SAMHD1: variants seen among roughly 807,000 people sequenced by gnomAD.
SAMHD1 encodes the protein SAM and HD domain containing deoxynucleoside triphosphate triphosphohydrolase 1.
Under a neutral mutation model 79.6 loss-of-function variants are expected in SAMHD1, and 54 were observed. That is an observed-to-expected ratio of 0.68 (90% CI 0.55 to 0.85). The LOEUF (loss-of-function observed/expected upper bound fraction) is 0.85. SAMHD1 is among the 40% of genes least tolerant of loss of function. SAMHD1 has a pLI of 0.00. For synonymous variants in SAMHD1, 260 were observed against 264.1 expected (o/e 0.98, Z 0.15); for missense variants, 663 against 782.7 (o/e 0.85, Z 1.82).
At chr20:36,950,727 A>G (rs1186798607) in intron 1 of SAMHD1, among the ~76,000 whole-genome samples, 1 of 152,192 alleles carries the variant, frequency 6.6e-6, no homozygotes, top group African/African-American at 2.4e-5. Flanking sequence ...ACCTGCTTTT[A>G]AAGAGCAAAA....
At chr20:36,915,714 GCAACA>G (rs1187296233) in intron 9 of SAMHD1, among the ~76,000 whole-genome samples, 1 of 151,112 alleles carries the variant, frequency 6.6e-6, no homozygotes, top group Non-Finnish European at 1.5e-5. Context: ...CCCAGCCTAG[GCAACA>G]GTGGGAGACT....
chr20:36,911,343 A>T lies in SAMHD1; in HGVS notation c.1155-10T>A. ...GAAAGCATCTGTAATCCTAAAAATC[A>T]TTTTGCAAAAATTTATGTTTATGAG... On this transcript the variant is annotated splice_polypyrimidine_tract_variant and intron_variant, in intron 10 of 15. Coordinates refer to ENST00000646673, the MANE Select transcript of SAMHD1 (RefSeq NM_015474.4). 6.4e-7 allele frequency: 1 copy of T among 1,564,724 alleles called. No homozygotes were observed. Among genetic ancestry groups the T allele is most frequent in the Non-Finnish European group, 8.8e-7 (1 of 1,139,016 alleles).
intron 1 of SAMHD1, among the ~76,000 whole-genome samples, chr20:36,949,606 A>T (rs2063719221): frequency 6.6e-6 from 1 of 151,610 alleles, no homozygotes; most frequent in Admixed American, 6.6e-5. Context: ...AATACAAAAA[A>T]ATTAGCTGGG....
At chr20:36,900,355 C>A (rs1337706650) in intron 13 of SAMHD1, among the ~76,000 whole-genome samples, 1 of 142,542 alleles carries the variant, frequency 7.0e-6, no homozygotes, top group Non-Finnish European at 1.5e-5. Context: ...AAGTGATTCT[C>A]CTGCCTCAGC....
intron 1 of SAMHD1, 176 bp from the exon 2 acceptor site, chr20:36,946,980 A>G (rs1028321618): frequency 2.1e-6 from 1 of 478,336 alleles, no homozygotes; most frequent in Non-Finnish European, 3.7e-6. Context: ...TTTTAATTAA[A>G]TAACTAAACC....
chr20:36,925,786 T>G (rs190503769), intron 6 of SAMHD1, among the ~76,000 whole-genome samples: 1 of 152,298 alleles, frequency 6.6e-6, no homozygotes, highest in Non-Finnish European at 1.5e-5. Flanking sequence ...AAATACCATT[T>G]GACACTCATT....
At chr20:36,951,295 G>C (rs1185456668) in intron 1 of SAMHD1, 141 bp downstream of exon 1, 15 of 1,195,064 alleles carry the variant, frequency 1.3e-5, no homozygotes, top group Non-Finnish European at 1.6e-5. Flanking sequence ...CGCCCCCAGC[G>C]CAGGTCCGCC....
intron 13 of SAMHD1, among the ~76,000 whole-genome samples, chr20:36,900,614 T>G (rs1268642399): frequency 6.6e-6 from 1 of 151,632 alleles, no homozygotes; most frequent in African/African-American, 2.4e-5. Flanking sequence ...GTCGCCAGGC[T>G]GGAATGCAGT....
intron 8 of SAMHD1, 52 bp from the exon 9 acceptor site, chr20:36,916,882 C>A (rs768087264): frequency 1.3e-6 from 2 of 1,576,554 alleles, no homozygotes; most frequent in African/African-American, 2.7e-5. Flanking sequence ...GGAAGCTGTA[C>A]CTTAAATAGT....
At chr20:36,924,706 A>G (rs1422617168) in intron 6 of SAMHD1, among the ~76,000 whole-genome samples, 3 of 152,154 alleles carry the variant, frequency 2.0e-5, no homozygotes, top group African/African-American at 7.2e-5. Flanking sequence ...AAAGGGGCTC[A>G]TATTTCTCAG....
In SAMHD1 at chr20:36,927,178, A is replaced by C. The variant is rs750709503; in HGVS notation, c.696+4T>G. Reference sequence around the variant, plus strand: ...TATTGACTATTGACTGTATGAATACATACCGTCCATTTCACCTCCGGGCGA... The same window carrying C: ...TATTGACTATTGACTGTATGAATACCTACCGTCCATTTCACCTCCGGGCGA... On this transcript the variant is annotated splice_donor_region_variant and intron_variant, in intron 6 of 15. Coordinates refer to ENST00000646673, the MANE Select transcript of SAMHD1 (RefSeq NM_015474.4). The C allele has an allele frequency of 6.2e-7, 1 of 1,610,558 alleles. No homozygotes were observed. Among genetic ancestry groups the C allele is most frequent in the African/African-American group, 1.3e-5 (1 of 74,838 alleles).
In SAMHD1 at chr20:36,912,471, T is replaced by C; in HGVS notation, c.1144A>G (p.Ile382Val). The C allele has an allele frequency of 6.2e-7, 1 of 1,607,018 alleles. No homozygotes were observed. Among genetic ancestry groups the C allele is most frequent in the Admixed American group, 1.7e-5 (1 of 59,998 alleles). Residue 382 changes from isoleucine to valine, a missense_variant, in exon 10 of 16, where the codon ATT becomes GTT. By Grantham distance (29) the Ile-to-Val change is conservative. Transcript: ENST00000646673. ...RAYQHKVGNIIDTMITDAFLK... is the reference protein window; with the variant it reads ...RAYQHKVGNIVDTMITDAFLK... ...AATCAAGTTTCTTACATTGTATCAA[T>C]AATGTTGCCAACTTTGTGTTGATAA...
chr20:36,901,649 T>A (rs987063823), intron 13 of SAMHD1, among the ~76,000 whole-genome samples: 7 of 151,858 alleles, frequency 4.6e-5, no homozygotes, highest in African/African-American at 1.7e-4. Flanking sequence ...GGTGGGAGGA[T>A]CACTTGAGCC....
At chr20:36,900,404 C>T (rs1990282253) in intron 13 of SAMHD1, among the ~76,000 whole-genome samples, 1 of 151,476 alleles carries the variant, frequency 6.6e-6, no homozygotes, top group South Asian at 2.1e-4. Flanking sequence ...CACCACCACA[C>T]CCAGCTAATT....
intron 3 of SAMHD1, 90 bp from the exon 4 acceptor site, chr20:36,935,279 A>G (rs1255258599): frequency 2.7e-5 from 28 of 1,045,826 alleles, no homozygotes; most frequent in Non-Finnish European, 4.0e-5. Flanking sequence ...GTGCAAAGTC[A>G]AAGCTATTTG....
rs8116982 is a variant in SAMHD1, at chr20:36,919,806, C to T, written c.697-287G>A. Among the ~76,000 whole-genome samples, 287 of 152,214 alleles carry T rather than the reference C, an allele frequency of 1.9e-3. 1 individual carries two copies. Among genetic ancestry groups the T allele is most frequent in the African/African-American group, 6.4e-3 (267 of 41,524 alleles). On this transcript the variant is annotated intron_variant, in intron 6 of 15. Coordinates refer to ENST00000646673, the MANE Select transcript of SAMHD1 (RefSeq NM_015474.4). ...AATGAATATTATAAGATCATGTAGA[C>T]AGAATTACATTTTAATAAATATCAT...
At chr20:36,926,160 A>G (rs1014545096) in intron 6 of SAMHD1, among the ~76,000 whole-genome samples, 2 of 152,160 alleles carry the variant, frequency 1.3e-5, no homozygotes. Flanking sequence ...TATAACAACC[A>G]AAACCTGAAA....
In SAMHD1 at chr20:36,898,434, A is replaced by T. The variant is rs747508625; in HGVS notation, c.1608+6T>A. ...TATAGTATATTTGTTTTGCCTAAGT[A>T]GTTACCTGGTTTTTAGTAATCCTGA... On this transcript the variant is annotated splice_donor_region_variant and intron_variant, in intron 14 of 15. Coordinates refer to ENST00000646673, the MANE Select transcript of SAMHD1 (RefSeq NM_015474.4). 6.3e-6 allele frequency: 10 copies of T among 1,597,322 alleles called. No homozygotes were observed. The highest frequency in any genetic ancestry group is 8.6e-6 in the Non-Finnish European group (10 of 1,164,842).
intron 2 of SAMHD1, among the ~76,000 whole-genome samples, chr20:36,945,442 G>A (rs1356131737): frequency 1.3e-5 from 2 of 152,058 alleles, no homozygotes; most frequent in East Asian, 1.9e-4. Context: ...TCAAGATAGG[G>A]GTGTAGCCTT....
Sources: allele counts gnomAD v4.1 joint callset (sites outside exome capture counted in the v4.1 genomes callset), GRCh38; gene constraint gnomAD v4.1.1; transcripts MANE v1.5; gene names NCBI Gene and HGNC (gene_info 2026-07-23, HGNC 2026-07-21).